DAB1: variants seen among roughly 807,000 people sequenced by gnomAD.
The protein encoded by DAB1 is disabled homolog 1.
Under a neutral mutation model 64.6 loss-of-function variants are expected in DAB1, and 15 were observed. That is an observed-to-expected ratio of 0.23 (90% confidence interval 0.16 to 0.36). The LOEUF (loss-of-function observed/expected upper bound fraction) is 0.36, where lower values mean the gene tolerates loss of function less well. DAB1 is among the 10% of genes least tolerant of loss of function. DAB1 has a pLI of 1.00. For synonymous variants in DAB1, 235 were observed against 251.9 expected, an observed-to-expected ratio of 0.93 and a Z score of 0.64; for missense variants, 596 against 706.7, an observed-to-expected ratio of 0.84 and a Z score of 1.78.
intron 5 of DAB1, among the ~76,000 whole-genome samples, chr1:57,992,325 C>T (rs897644003): frequency 1.3e-5 from 2 of 152,066 alleles, no homozygotes; most frequent in African/African-American, 4.8e-5. Flanking sequence ...TGGTTGTGTC[C>T]CTTGGAAAAA....
At chr1:58,350,907 T>G (rs910592628) in intron 3 of DAB1, among the ~76,000 whole-genome samples, 1 of 152,226 alleles carries the variant, frequency 6.6e-6, no homozygotes, top group Non-Finnish European at 1.5e-5. Context: ...TCCAGCTTTG[T>G]CCTTTTTGCT....
At chr1:57,984,819 AGAG>A (rs1331215408) in intron 5 of DAB1, among the ~76,000 whole-genome samples, 4 of 152,172 alleles carry the variant, frequency 2.6e-5, no homozygotes, top group African/African-American at 9.7e-5. Flanking sequence ...TGGAGAGCAT[AGAG>A]TTCAATAAAG....
chr1:57,212,072 T>G (rs2100335782), intron 2 of DAB1, among the ~76,000 whole-genome samples: 1 of 152,328 alleles, frequency 6.6e-6, no homozygotes, highest in Admixed American at 6.5e-5. Context: ...AGCCAGAGAA[T>G]GCATGCATGC....
chr1:58,527,448 T>C (rs1646370502), intron 1 of DAB1: 2 of 648,636 alleles, frequency 3.1e-6, no homozygotes, highest in Non-Finnish European at 5.6e-6. Context: ...ATAAAATTCC[T>C]ATACTGTCTA....
At chr1:57,232,649 C>T (rs769637423) in intron 2 of DAB1, among the ~76,000 whole-genome samples, 6 of 151,998 alleles carry the variant, frequency 3.9e-5, no homozygotes, top group Admixed American at 2.0e-4. Context: ...ATTTCCCTCC[C>T]ATCTCTCAAT....
intron 7 of DAB1, among the ~76,000 whole-genome samples, chr1:57,555,326 C>T (rs984517230): frequency 6.6e-6 from 1 of 151,746 alleles, no homozygotes; most frequent in Non-Finnish European, 1.5e-5. Context: ...AGCCACCCCA[C>T]CTGGCCGGTA....
intron 6 of DAB1, among the ~76,000 whole-genome samples, chr1:57,690,389 A>G (rs1646750325): frequency 6.6e-6 from 1 of 152,092 alleles, no homozygotes; most frequent in Non-Finnish European, 1.5e-5. Context: ...TGCTGTTCTC[A>G]TGATAGTGAA....
intron 3 of DAB1, among the ~76,000 whole-genome samples, chr1:58,421,916 A>G (rs1644775444): frequency 6.6e-6 from 1 of 152,100 alleles, no homozygotes; most frequent in African/African-American, 2.4e-5. Flanking sequence ...CAGCTCAGCC[A>G]CTTACTAGGC....
intron 4 of DAB1, among the ~76,000 whole-genome samples, chr1:58,238,560 G>A (rs1480432580): frequency 6.6e-6 from 1 of 152,160 alleles, no homozygotes; most frequent in Non-Finnish European, 1.5e-5. Context: ...GGACTTTTAT[G>A]CCATGTTAAG....
Position 58,221,428 on chromosome 1 carries a change from C to T in DAB1, n.310-70840G>A, listed in dbSNP as rs1436450599. Among the ~76,000 whole-genome samples, 3 of 152,204 alleles carry T rather than the reference C, an allele frequency of 2.0e-5. No individual in the cohort carries two copies. In the East Asian group the frequency reaches 5.8e-4, roughly 29 times the overall value. ...TTGTAAAATGATAACAGCTCCTGAG[C>T]ATGCCCGTCTGAAAGAACAGTCACT... is the stretch of plus-strand genomic sequence containing the variant. On this transcript the variant is annotated intron_variant and non_coding_transcript_variant, in intron 4 of 20. Transcript: ENST00000485760.
intron 7 of DAB1, among the ~76,000 whole-genome samples, chr1:57,433,967 A>G (rs1189831188): frequency 6.6e-6 from 1 of 152,106 alleles, no homozygotes; most frequent in Admixed American, 6.5e-5. Context: ...ACTCACTAAG[A>G]TGGCTAAAAT....
At chr1:57,425,274 C>T (rs1244951580), upstream of DAB1, among the ~76,000 whole-genome samples, 3 of 152,160 alleles carry the variant, frequency 2.0e-5, no homozygotes, top group Non-Finnish European at 4.4e-5. Flanking sequence ...TTTACCGTTA[C>T]TCTTTTTGGG....
intron 2 of DAB1, among the ~76,000 whole-genome samples, chr1:57,251,681 A>C (rs1012265887): frequency 6.6e-6 from 1 of 152,202 alleles, no homozygotes; most frequent in South Asian, 2.1e-4. Context: ...CAAAGAAAAA[A>C]AAATCTTCCC....
intron 5 of DAB1, chr1:58,048,087 T>C (rs1032100334): frequency 3.9e-6 from 3 of 764,098 alleles, no homozygotes; most frequent in East Asian, 5.3e-5. Context: ...GCCACCACTG[T>C]GTTTGGCTGA....
intron 4 of DAB1, among the ~76,000 whole-genome samples, chr1:58,177,071 T>C (rs892586867): frequency 6.6e-6 from 1 of 152,072 alleles, no homozygotes; most frequent in Non-Finnish European, 1.5e-5. Flanking sequence ...ATTTAAACTA[T>C]AGAAGTTAGA....
chr1:57,545,516 T>C (rs1254568358), intron 7 of DAB1, among the ~76,000 whole-genome samples: 1 of 152,162 alleles, frequency 6.6e-6, no homozygotes, highest in Non-Finnish European at 1.5e-5. Context: ...CCAGAACAGT[T>C]GGTCAACCTA....
chr1:57,280,363 T>C (rs1394947017), intron 2 of DAB1, among the ~76,000 whole-genome samples: 3 of 152,152 alleles, frequency 2.0e-5, no homozygotes, highest in Non-Finnish European at 4.4e-5. Flanking sequence ...CTAGAAGGTG[T>C]GTTGCAATAG....
intron 4 of DAB1, among the ~76,000 whole-genome samples, chr1:57,076,439 T>C (rs1651999442): frequency 6.6e-6 from 1 of 152,210 alleles, no homozygotes; most frequent in Non-Finnish European, 1.5e-5. Context: ...CACAGCTTTA[T>C]GTATTCTCCC....
intron 7 of DAB1, among the ~76,000 whole-genome samples, chr1:57,475,646 A>G (rs1474939807): frequency 1.3e-5 from 2 of 152,168 alleles, no homozygotes; most frequent in African/African-American, 2.4e-5. Flanking sequence ...CTCCGAGAAT[A>G]GGTGTTATGG....
Sources: gnomAD v4.1 joint callset for allele counts (sites outside exome capture counted in the v4.1 genomes callset) on GRCh38, gnomAD v4.1.1 for gene constraint, MANE v1.5 for transcripts, NCBI Gene and HGNC (gene_info 2026-07-23, HGNC 2026-07-21) for gene names.